The following MCU variants were observed in gnomAD, a reference collection of about 807,000 sequenced individuals.
MCU encodes calcium uniporter protein, mitochondrial.
Under a neutral mutation model 45.2 loss-of-function variants are expected in MCU, and 12 were observed. The ratio of observed to expected loss-of-function variants is 0.27; its 90% CI spans 0.17 to 0.43. The LOEUF (loss-of-function observed/expected upper bound fraction) is 0.43. MCU is among the 20% of genes least tolerant of loss of function. The pLI, the probability that MCU is intolerant of heterozygous loss-of-function variation, is 1.00. For synonymous variants in MCU, 160 were observed against 165.1 expected, an observed-to-expected ratio of 0.97 and a Z score of 0.24; for missense variants, 324 against 436.7, an observed-to-expected ratio of 0.74 and a Z score of 2.30.
chr10:72,736,772 C>A (rs1444931417), intron 1 of MCU, among the ~76,000 whole-genome samples: 1 of 152,158 alleles, frequency 6.6e-6, no homozygotes, highest in Non-Finnish European at 1.5e-5. Flanking sequence ...CTTCCTTTGC[C>A]TTAGCTCAAT....
intron 1 of MCU, among the ~76,000 whole-genome samples, chr10:72,791,871 T>G (rs1481911251): frequency 6.6e-6 from 1 of 151,890 alleles, no homozygotes; most frequent in African/African-American, 2.4e-5. Flanking sequence ...GATTTTTAAG[T>G]GATTCTATCC....
intron 1 of MCU, among the ~76,000 whole-genome samples, chr10:72,733,471 C>CA (rs1286293378): frequency 6.6e-6 from 1 of 152,030 alleles, no homozygotes; most frequent in African/African-American, 2.4e-5. Context: ...ACAACAACAA[C>CA]AAAAACTATC....
intron 2 of MCU, among the ~76,000 whole-genome samples, chr10:72,838,873 A>G (rs1845000732): frequency 1.3e-5 from 2 of 152,170 alleles, no homozygotes; most frequent in African/African-American, 2.4e-5. Flanking sequence ...AACCAGATAC[A>G]TGCTCCAGCT....
chr10:72,853,412 C>T (rs1845238668), intron 2 of MCU, among the ~76,000 whole-genome samples: 1 of 151,868 alleles, frequency 6.6e-6, no homozygotes, highest in African/African-American at 2.4e-5. Flanking sequence ...GAAAAAAATC[C>T]ATGATGTTGA....
At chr10:72,755,742 T>A (rs1843566504) in intron 1 of MCU, among the ~76,000 whole-genome samples, 1 of 152,200 alleles carries the variant, frequency 6.6e-6, no homozygotes, top group Non-Finnish European at 1.5e-5. Flanking sequence ...ATATGGCATC[T>A]CTTCAACCCT....
intron 1 of MCU, among the ~76,000 whole-genome samples, chr10:72,791,188 TTAA>T (rs1844154518): frequency 6.6e-6 from 1 of 152,172 alleles, no homozygotes; most frequent in Non-Finnish European, 1.5e-5. Flanking sequence ...CAATTTCAAA[TTAA>T]TGATGAGTAT....
chr10:72,861,656 ATTTT>A (rs760388938), intron 4 of MCU: 130 of 328,898 alleles, frequency 4.0e-4, no homozygotes, highest in Middle Eastern at 3.2e-3. Flanking sequence ...CGCCAGGCTA[ATTTT>A]TTTTTTTTTT....
In MCU at chr10:72,776,879, C is replaced by T. The variant is rs2132745265; in HGVS notation, c.151-57480C>T. Among the ~76,000 whole-genome samples, 5 of 152,158 alleles carry T rather than the reference C, an allele frequency of 3.3e-5. No homozygotes were observed. In the South Asian group the frequency reaches 1.0e-3, roughly 32 times the overall value. On this transcript the variant is annotated intron_variant, in intron 1 of 7. Transcript: ENST00000373053. ...ATGAGTTTAGTACAATTGCAGGATACAAAATCAACATACAAAATCAGTAGC... is the reference window on the plus strand; with the variant it reads ...ATGAGTTTAGTACAATTGCAGGATATAAAATCAACATACAAAATCAGTAGC...
At chr10:72,772,771 T>C (rs1466501641) in intron 1 of MCU, among the ~76,000 whole-genome samples, 2 of 152,076 alleles carry the variant, frequency 1.3e-5, no homozygotes, top group Non-Finnish European at 1.5e-5. Context: ...ACATAGAAGG[T>C]ATACCCATAA....
chr10:72,749,855 C>G (rs1843469067), intron 1 of MCU, among the ~76,000 whole-genome samples: 1 of 152,094 alleles, frequency 6.6e-6, no homozygotes, highest in South Asian at 2.1e-4. Context: ...CAGCCTCCGC[C>G]TCCCAGGTTC....
chr10:72,800,395 A>C (rs1844320705), intron 1 of MCU, among the ~76,000 whole-genome samples: 2 of 152,244 alleles, frequency 1.3e-5, no homozygotes, highest in South Asian at 4.1e-4. Context: ...CCCATTCCCA[A>C]AGTATCTCAA....
intron 1 of MCU, among the ~76,000 whole-genome samples, chr10:72,698,550 G>A (rs993628886): frequency 7.2e-5 from 11 of 152,214 alleles, no homozygotes; most frequent in Admixed American, 2.6e-4. Context: ...TGTCGCCCAG[G>A]CTGGAGTGCA....
At chr10:72,849,802 C>T (rs1028527242) in intron 2 of MCU, among the ~76,000 whole-genome samples, 1 of 151,956 alleles carries the variant, frequency 6.6e-6, no homozygotes, top group African/African-American at 2.4e-5. Context: ...AAAATTTCTA[C>T]TGAATTTAGC....
At chr10:72,796,469 T>C (rs941850428) in intron 1 of MCU, among the ~76,000 whole-genome samples, 2 of 152,076 alleles carry the variant, frequency 1.3e-5, no homozygotes, top group African/African-American at 4.8e-5. Flanking sequence ...AAACAACAAT[T>C]AAGGAGATAT....
intron 1 of MCU, among the ~76,000 whole-genome samples, chr10:72,735,263 T>C (rs949391042): frequency 2.0e-5 from 3 of 151,776 alleles, no homozygotes; most frequent in South Asian, 2.1e-4. Flanking sequence ...GTGTGTTGGG[T>C]TTTTTTTCAG....
intron 1 of MCU, among the ~76,000 whole-genome samples, chr10:72,777,976 G>A (rs1395375369): frequency 6.6e-6 from 1 of 152,138 alleles, no homozygotes; most frequent in African/African-American, 2.4e-5. Flanking sequence ...ACCACAATGA[G>A]ATATCATTTC....
chr10:72,725,750 G>C (rs929275307), intron 1 of MCU, among the ~76,000 whole-genome samples: 1 of 152,078 alleles, frequency 6.6e-6, no homozygotes, highest in South Asian at 2.1e-4. Flanking sequence ...TGGGCATGGT[G>C]GTGGGCACCT....
At chr10:72,794,275 CAT>C (rs1052777720) in intron 1 of MCU, among the ~76,000 whole-genome samples, 1 of 152,266 alleles carries the variant, frequency 6.6e-6, no homozygotes, top group East Asian at 1.9e-4. Flanking sequence ...GTGGGAAAAA[CAT>C]AGGATCACCA....
chr10:72,753,168 G>A (rs1240696870), intron 1 of MCU, among the ~76,000 whole-genome samples: 1 of 152,060 alleles, frequency 6.6e-6, no homozygotes, highest in African/African-American at 2.4e-5. Context: ...TACATATATC[G>A]CTAATGAAAT....
Sources: allele counts gnomAD v4.1 joint callset (sites outside exome capture counted in the v4.1 genomes callset), GRCh38; gene constraint gnomAD v4.1.1; transcripts MANE v1.5; gene names NCBI Gene and HGNC (gene_info 2026-07-23, HGNC 2026-07-21).